Variants in PPARGC1A observed in about 807,000 individuals in gnomAD.
The protein encoded by PPARGC1A is peroxisome proliferator-activated receptor gamma coactivator 1-alpha.
A neutral mutation model predicts 88.7 loss-of-function variants in PPARGC1A; 25 were observed. The ratio of observed to expected loss-of-function variants is 0.28; its 90% CI spans 0.21 to 0.39. The LOEUF (loss-of-function observed/expected upper bound fraction) is 0.39. Among genes scored for constraint, PPARGC1A ranks in the 10% least tolerant of loss-of-function variants. The pLI is 1.00. For synonymous variants in PPARGC1A, 363 were observed against 355.6 expected, an observed-to-expected ratio of 1.02 and a Z score of -0.24; for missense variants, 880 against 968.7, an observed-to-expected ratio of 0.91 and a Z score of 1.22.
chr4:24,257,859 G>C, the PPARGC1A span, among the ~76,000 whole-genome samples: 3 of 152,074 alleles, frequency 2.0e-5, no homozygotes, highest in African/African-American at 7.3e-5. Context: ...GAAAGGAAGA[G>C]AGAGTTGAGA....
the PPARGC1A span, among the ~76,000 whole-genome samples, chr4:24,209,627 T>A: frequency 6.6e-6 from 1 of 152,204 alleles, no homozygotes; most frequent in Non-Finnish European, 1.5e-5. Flanking sequence ...GCTGTAGGCA[T>A]GAACCTGTGC....
chr4:24,246,292 G>A, the PPARGC1A span, among the ~76,000 whole-genome samples: 1 of 151,990 alleles, frequency 6.6e-6, no homozygotes, highest in Non-Finnish European at 1.5e-5. Context: ...AATTCATATT[G>A]TGCTGTTTCT....
At chr4:23,949,124 A>G in the PPARGC1A span, among the ~76,000 whole-genome samples, 5 of 152,194 alleles carry the variant, frequency 3.3e-5, no homozygotes, top group African/African-American at 9.6e-5. Flanking sequence ...TTAGCTGCCC[A>G]TTATTAGGAA....
the PPARGC1A span, among the ~76,000 whole-genome samples, chr4:24,138,091 C>T: frequency 2.6e-5 from 4 of 152,204 alleles, no homozygotes; most frequent in African/African-American, 9.7e-5. Flanking sequence ...GAGCATATAA[C>T]TGCCCACACC....
chr4:24,238,745 ATGTGTGTGTGTGTGTGTGTGTGTG>A, the PPARGC1A span, among the ~76,000 whole-genome samples: 36 of 121,902 alleles, frequency 3.0e-4, no homozygotes, highest in African/African-American at 1.0e-3. Context: ...AAGGTTGTAT[ATGTGTGTGTGTGTGTGTGTGTGTG>A]TGTGTGTGTG....
At chr4:23,979,417 C>A in the PPARGC1A span, among the ~76,000 whole-genome samples, 8 of 152,166 alleles carry the variant, frequency 5.3e-5, no homozygotes, top group Admixed American at 3.9e-4. Context: ...ATGGCTTCTG[C>A]ATCTACATGG....
the PPARGC1A span, among the ~76,000 whole-genome samples, chr4:24,009,150 A>AAAAAAAAAAGAGAGAG: frequency 1.3e-5 from 1 of 79,798 alleles, no homozygotes; most frequent in Non-Finnish European, 2.2e-5. Flanking sequence ...AAAAAAAAAA[A>AAAAAAAAAAGAGAGAG]AGAGAGAGAA....
chr4:23,893,145 G>A (rs1718093518), upstream of PPARGC1A, among the ~76,000 whole-genome samples: 1 of 150,938 alleles, frequency 6.6e-6, no homozygotes, highest in African/African-American at 2.4e-5. Context: ...TATTAGTAGA[G>A]GCAGGAGAAT....
At chr4:24,012,364 C>A in the PPARGC1A span, among the ~76,000 whole-genome samples, 1 of 152,062 alleles carries the variant, frequency 6.6e-6, no homozygotes, top group African/African-American at 2.4e-5. Flanking sequence ...AATGGTGGAC[C>A]TGAACATATT....
the PPARGC1A span, among the ~76,000 whole-genome samples, chr4:24,091,295 G>A: frequency 6.6e-6 from 1 of 152,034 alleles, no homozygotes; most frequent in Non-Finnish European, 1.5e-5. Context: ...AATGTATTTG[G>A]GGTCTTACTT....
At chr4:24,318,340 G>A in the PPARGC1A span, among the ~76,000 whole-genome samples, 9 of 152,198 alleles carry the variant, frequency 5.9e-5, no homozygotes, top group Admixed American at 5.9e-4. Flanking sequence ...TAAGGTCTCT[G>A]AGACCATCTG....
chr4:24,022,985 T>A, the PPARGC1A span, among the ~76,000 whole-genome samples: 1 of 152,142 alleles, frequency 6.6e-6, no homozygotes, highest in African/African-American at 2.4e-5. Context: ...TTTTGAGACA[T>A]GATAGGAAGA....
chr4:24,405,506 T>C, the PPARGC1A span, among the ~76,000 whole-genome samples: 1 of 152,194 alleles, frequency 6.6e-6, no homozygotes, highest in South Asian at 2.1e-4. Flanking sequence ...GCTCTGTATA[T>C]GGGAAAATCT....
chr4:24,100,487 C>T, the PPARGC1A span, among the ~76,000 whole-genome samples: 1 of 152,156 alleles, frequency 6.6e-6, no homozygotes, highest in Non-Finnish European at 1.5e-5. Flanking sequence ...TCACCCAACA[C>T]CTTCGACATA....
chr4:24,109,370 A>G, the PPARGC1A span, among the ~76,000 whole-genome samples: 5 of 151,410 alleles, frequency 3.3e-5, no homozygotes, highest in South Asian at 6.3e-4. Context: ...ACCTCTCTCC[A>G]TAAGAATGCA....
At chr4:24,296,320 C>T in the PPARGC1A span, among the ~76,000 whole-genome samples, 1 of 151,578 alleles carries the variant, frequency 6.6e-6, no homozygotes, top group African/African-American at 2.4e-5. Flanking sequence ...ACATTCTTAC[C>T]TTAAAAATTA....
chr4:24,455,660 A>G, the PPARGC1A span, among the ~76,000 whole-genome samples: 4 of 152,232 alleles, frequency 2.6e-5, no homozygotes, highest in African/African-American at 9.6e-5. Context: ...CCCTGCTCTC[A>G]TGAATGGATT....
At chr4:24,439,106 A>G in the PPARGC1A span, among the ~76,000 whole-genome samples, 615 of 152,256 alleles carry the variant, frequency 4.0e-3, 7 homozygotes, top group African/African-American at 0.014. Flanking sequence ...CCCCCTGGGT[A>G]AACGTTCTGC....
chr4:24,450,413 G>C, the PPARGC1A span, among the ~76,000 whole-genome samples: 1 of 152,194 alleles, frequency 6.6e-6, no homozygotes, highest in South Asian at 2.1e-4. Flanking sequence ...GTAATGTGCA[G>C]AGCTGACTGC....
Sources: gnomAD v4.1 joint callset for allele counts (sites outside exome capture counted in the v4.1 genomes callset) on GRCh38, gnomAD v4.1.1 for gene constraint, MANE v1.5 for transcripts, NCBI Gene and HGNC (gene_info 2026-07-23, HGNC 2026-07-21) for gene names.